The following KDM2A variants were observed in gnomAD, a reference collection of about 807,000 sequenced individuals.
KDM2A encodes the protein lysine demethylase 2A.
A neutral mutation model predicts 137.3 loss-of-function variants in KDM2A; 3 were observed. That is an observed-to-expected ratio of 0.02 (90% CI 0.01 to 0.06). The LOEUF (loss-of-function observed/expected upper bound fraction) is 0.06, where lower values mean the gene tolerates loss of function less well. Ranked by LOEUF, KDM2A falls within the 10% of genes least tolerant of loss-of-function variation. The probability of loss-of-function intolerance (pLI) is 1.00; values close to 1 mark genes in which losing one functional copy is unlikely to be tolerated. For missense variants in KDM2A, 738 were observed against 1,510.6 expected (o/e 0.49, Z 8.48); for synonymous variants, 512 against 541.5 (o/e 0.95, Z 0.76).
chr11:67,226,238 CAG>C (rs1312487126), intron 10 of KDM2A, among the ~76,000 whole-genome samples: 15 of 151,652 alleles, frequency 9.9e-5, no homozygotes, highest in Non-Finnish European at 8.8e-5. Context: ...GCCTTGGTGA[CAG>C]AGCGAGATTC....
At chr11:67,158,776 A>G (rs1259469788) in intron 2 of KDM2A, among the ~76,000 whole-genome samples, 1 of 152,156 alleles carries the variant, frequency 6.6e-6, no homozygotes. Context: ...GGCGTGAACC[A>G]CCGCCCCCAG....
intron 2 of KDM2A, among the ~76,000 whole-genome samples, chr11:67,154,400 CTA>C (rs1856469161): frequency 6.6e-6 from 1 of 152,122 alleles, no homozygotes; most frequent in African/African-American, 2.4e-5. Flanking sequence ...CTTTCTGTCT[CTA>C]TGGATTTACC....
At chr11:67,193,083 A>C (rs1239919374) in intron 5 of KDM2A, among the ~76,000 whole-genome samples, 1 of 152,088 alleles carries the variant, frequency 6.6e-6, no homozygotes, top group Non-Finnish European at 1.5e-5. Flanking sequence ...TCCGCCTCCC[A>C]GGTTCAAGTG....
At chr11:67,247,063 A>T (rs868555690) in intron 15 of KDM2A, among the ~76,000 whole-genome samples, 115 of 25,004 alleles carry the variant, frequency 4.6e-3, no homozygotes, top group African/African-American at 0.018. Flanking sequence ...ATATATATAT[A>T]TATATATATT....
chr11:67,177,876 TA>T (rs1316720097), intron 2 of KDM2A, among the ~76,000 whole-genome samples: 1 of 151,974 alleles, frequency 6.6e-6, no homozygotes, highest in Non-Finnish European at 1.5e-5. Context: ...CAAACGAGAG[TA>T]ATGTGTTGTG....
intron 5 of KDM2A, among the ~76,000 whole-genome samples, chr11:67,193,034 G>C (rs1857394550): frequency 6.6e-6 from 1 of 152,046 alleles, no homozygotes. Flanking sequence ...TTGTTTCTCA[G>C]TCTGGAGTGC....
At chr11:67,142,730 A>G (rs1856142008) in intron 2 of KDM2A, among the ~76,000 whole-genome samples, 2 of 151,996 alleles carry the variant, frequency 1.3e-5, no homozygotes, top group Admixed American at 1.3e-4. Context: ...AAATAAAAGT[A>G]CAAGGAGCTC....
chr11:67,245,969 C>T lies in KDM2A; in HGVS notation c.1834-16C>T. ...CTGAGTCAGTTCTCTTGGATTCTAT[C>T]TTTGTCCTCTTGTAGCCCAGACTGC... is the stretch of plus-strand genomic sequence containing the variant. On this transcript the variant is annotated splice_polypyrimidine_tract_variant and intron_variant, in intron 14 of 20. Coordinates refer to ENST00000529006, the MANE Select transcript of KDM2A (RefSeq NM_012308.3). This position sits in a 1 kb window ranked among gnomAD's most constrained non-coding sequence, Gnocchi z 4.1. 6.2e-7 allele frequency: 1 copy of T among 1,613,526 alleles called. No homozygotes were observed. The highest frequency in any genetic ancestry group is 8.5e-7 in the Non-Finnish European group (1 of 1,179,586).
chr11:67,163,532 C>T (rs956462861), intron 2 of KDM2A, among the ~76,000 whole-genome samples: 1 of 152,056 alleles, frequency 6.6e-6, no homozygotes, highest in African/African-American at 2.4e-5. Flanking sequence ...CAGTTGATTT[C>T]CAGTCCAATG....
chr11:67,142,115 T>C (rs1856118518), intron 2 of KDM2A, among the ~76,000 whole-genome samples: 1 of 151,948 alleles, frequency 6.6e-6, no homozygotes, highest in African/African-American at 2.4e-5. Flanking sequence ...CTCCGCTCAC[T>C]GCAACCTCCA....
chr11:67,249,822 A>C (rs1282688349), intron 16 of KDM2A, among the ~76,000 whole-genome samples: 5 of 152,174 alleles, frequency 3.3e-5, no homozygotes. Context: ...TGAAAGAGGT[A>C]AGTCAGAGAC....
intron 2 of KDM2A, among the ~76,000 whole-genome samples, chr11:67,142,330 C>T (rs1856124857): frequency 6.6e-6 from 1 of 151,020 alleles, no homozygotes; most frequent in Non-Finnish European, 1.5e-5. Flanking sequence ...AGCCACCGCG[C>T]CCACTGTATA....
chr11:67,147,913 G>A (rs1555081636), intron 2 of KDM2A, among the ~76,000 whole-genome samples: 1 of 151,828 alleles, frequency 6.6e-6, no homozygotes, highest in Non-Finnish European at 1.5e-5. Context: ...TCCTGACCTC[G>A]TGATTCACCT....
chr11:67,214,020 G>A (rs1858077328), intron 6 of KDM2A, among the ~76,000 whole-genome samples: 4 of 151,744 alleles, frequency 2.6e-5, no homozygotes, highest in East Asian at 1.9e-4. Context: ...ATGCCACAAC[G>A]CCTGGCTGTT....
At chr11:67,244,036 C>T (rs1271251497) in intron 13 of KDM2A, among the ~76,000 whole-genome samples, 1 of 152,144 alleles carries the variant, frequency 6.6e-6, no homozygotes, top group Non-Finnish European at 1.5e-5. Flanking sequence ...ACTTGCAAAG[C>T]CATCACATTC....
At chr11:67,230,720 T>C (rs564723947) in intron 11 of KDM2A, among the ~76,000 whole-genome samples, 2 of 152,172 alleles carry the variant, frequency 1.3e-5, no homozygotes, top group East Asian at 3.9e-4. Flanking sequence ...TACTGTTCAG[T>C]TGTTATCGTA....
At chr11:67,175,827 ATTC>A (rs886841028) in intron 2 of KDM2A, among the ~76,000 whole-genome samples, 6 of 152,202 alleles carry the variant, frequency 3.9e-5, no homozygotes, top group Admixed American at 2.0e-4. Flanking sequence ...TCTAAAAGTG[ATTC>A]TGGGAAACTA....
At chr11:67,215,538 G>A (rs1858134910) in intron 7 of KDM2A, 92 bp downstream of exon 7, 2 of 795,336 alleles carry the variant, frequency 2.5e-6, no homozygotes, top group Admixed American at 4.6e-5. Flanking sequence ...TTTGCTCTGT[G>A]TCTTGAATGA....
intron 2 of KDM2A, among the ~76,000 whole-genome samples, chr11:67,140,570 G>T (rs1386961651): frequency 6.6e-6 from 1 of 151,978 alleles, no homozygotes; most frequent in Non-Finnish European, 1.5e-5. Flanking sequence ...TGGCCAACAT[G>T]GTGAAACCCT....
Sources: allele counts gnomAD v4.1 joint callset (sites outside exome capture counted in the v4.1 genomes callset), GRCh38; gene constraint gnomAD v4.1.1; non-coding constraint Gnocchi (gnomAD v3.1); transcripts MANE v1.5; gene names NCBI Gene and HGNC (gene_info 2026-07-23, HGNC 2026-07-21).